The following KLHL1 variants were observed in gnomAD, a reference collection of about 807,000 sequenced individuals.
KLHL1 encodes kelch like family member 1.
Under a neutral mutation model 77.7 loss-of-function variants are expected in KLHL1, and 47 were observed. The ratio of observed to expected loss-of-function variants is 0.60; its 90% CI spans 0.48 to 0.77. The LOEUF (loss-of-function observed/expected upper bound fraction) is 0.77. Among genes scored for constraint, KLHL1 ranks in the 30% least tolerant of loss-of-function variants. The pLI is 0.00. For missense variants in KLHL1, 925 were observed against 910.8 expected (o/e 1.02, Z -0.20); for synonymous variants, 360 against 325.2 (o/e 1.11, Z -1.15).
chr13:69,839,003 C>T lies in KLHL1; in HGVS notation c.1387G>A (p.Ala463Thr). The T allele has an allele frequency of 6.2e-7, 1 of 1,608,804 alleles. No individual in the cohort carries two copies. Among genetic ancestry groups the T allele is most frequent in the East Asian group, 2.2e-5 (1 of 44,604 alleles). The change falls in exon 6 of 11, where the codon GCT becomes ACT. Residue 463 changes from alanine to threonine, a missense_variant. Physicochemically the swap from Ala to Thr is moderately conservative, Grantham distance 58 (BLOSUM62 0). Coordinates refer to ENST00000377844, the MANE Select transcript of KLHL1 (RefSeq NM_020866.3). The part of the protein sequence containing the change: ...PRKSTVGTLY[A>T]VGGMDNNKGA... ...TTGTTGTTATCCATTCCTCCTACAGCATACAAAGTTCCGACTGTAGATTTT... is the reference window on the plus strand; with the variant it reads ...TTGTTGTTATCCATTCCTCCTACAGTATACAAAGTTCCGACTGTAGATTTT...
intron 7 of KLHL1, among the ~76,000 whole-genome samples, chr13:69,757,393 T>C (rs891744183): frequency 1.3e-5 from 2 of 152,148 alleles, no homozygotes; most frequent in Non-Finnish European, 2.9e-5. Flanking sequence ...TTAGGAACCT[T>C]GTAAAATTTT....
At chr13:69,824,291 T>C (rs373921718) in intron 6 of KLHL1, among the ~76,000 whole-genome samples, 2 of 152,160 alleles carry the variant, frequency 1.3e-5, no homozygotes, top group South Asian at 4.1e-4. Context: ...GCAAATAGAT[T>C]TATTAATAAA....
intron 1 of KLHL1, among the ~76,000 whole-genome samples, chr13:70,103,632 A>T (rs1441606648): frequency 6.6e-6 from 1 of 152,156 alleles, no homozygotes; most frequent in Non-Finnish European, 1.5e-5. Context: ...GGACATGCAT[A>T]GGAAAGATTT....
At chr13:69,913,015 CAAGG>C (rs1882290029) in intron 4 of KLHL1, among the ~76,000 whole-genome samples, 1 of 152,146 alleles carries the variant, frequency 6.6e-6, no homozygotes, top group East Asian at 1.9e-4. Flanking sequence ...CATCAACAAG[CAAGG>C]CTTCTGACAT....
intron 2 of KLHL1, among the ~76,000 whole-genome samples, chr13:69,963,339 A>G (rs1884123659): frequency 1.3e-5 from 2 of 152,166 alleles, no homozygotes; most frequent in Non-Finnish European, 2.9e-5. Flanking sequence ...TAATCTTTGT[A>G]CAGTAATTAT....
chr13:70,043,681 A>C (rs1208482743), intron 1 of KLHL1, among the ~76,000 whole-genome samples: 2 of 152,376 alleles, frequency 1.3e-5, no homozygotes, highest in East Asian at 3.9e-4. Flanking sequence ...TCTGTAAAGT[A>C]ACTAGCTATA....
chr13:69,939,378 T>TATATATATATATATATATATATACAC (rs1200160699), intron 4 of KLHL1, among the ~76,000 whole-genome samples: 2 of 70,814 alleles, frequency 2.8e-5, no homozygotes, highest in Non-Finnish European at 5.3e-5. Flanking sequence ...TATATATATA[T>TATATATATATATATATATATATACAC]ACACACACAC....
At chr13:69,734,272 C>A (rs1242159778) in intron 8 of KLHL1, among the ~76,000 whole-genome samples, 2 of 152,112 alleles carry the variant, frequency 1.3e-5, no homozygotes, top group Non-Finnish European at 2.9e-5. Context: ...TGGCCTTCTG[C>A]CACCATTGTA....
At chr13:70,056,827 C>T (rs939680741) in intron 1 of KLHL1, among the ~76,000 whole-genome samples, 6 of 151,310 alleles carry the variant, frequency 4.0e-5, no homozygotes, top group African/African-American at 1.5e-4. Flanking sequence ...AAAGCCAGTC[C>T]AAAGAGGAAA....
chr13:69,780,121 T>TATC (rs1310420765), intron 7 of KLHL1, among the ~76,000 whole-genome samples: 1 of 152,206 alleles, frequency 6.6e-6, no homozygotes, highest in Non-Finnish European at 1.5e-5. Context: ...TTTTCTATTT[T>TATC]ATCAATCAGA....
At chr13:69,969,232 G>T (rs138549906) in intron 2 of KLHL1, among the ~76,000 whole-genome samples, 150 of 151,998 alleles carry the variant, frequency 9.9e-4, no homozygotes, top group Non-Finnish European at 1.7e-3. Context: ...AAGATTCATG[G>T]CTTTAAATAT....
intron 3 of KLHL1, among the ~76,000 whole-genome samples, chr13:69,942,589 AT>A (rs1228406627): frequency 6.6e-6 from 1 of 151,980 alleles, no homozygotes; most frequent in African/African-American, 2.4e-5. Context: ...GTTTTCTGAA[AT>A]TTTTTAAACC....
chr13:69,972,118 T>G (rs1010610173), intron 2 of KLHL1, among the ~76,000 whole-genome samples: 1 of 152,032 alleles, frequency 6.6e-6, no homozygotes, highest in Non-Finnish European at 1.5e-5. Flanking sequence ...AGATAATCTA[T>G]GTAAATAAAT....
rs1883564485 is a variant in KLHL1 at position 69,947,347 on chromosome 13, T to C, written c.818-7111A>G. Among the ~76,000 whole-genome samples, 3 of 152,228 alleles carry C rather than the reference T, an allele frequency of 2.0e-5. No homozygotes were observed. The South Asian group carries it at 6.2e-4, about 32-fold the overall frequency. Reference sequence around the variant, plus strand: ...CATTTATATTGGAAAAGTATATTACTATATTTCTTTATATGTGTGTGTATT... The same window carrying C: ...CATTTATATTGGAAAAGTATATTACCATATTTCTTTATATGTGTGTGTATT... On this transcript the variant is annotated intron_variant, in intron 3 of 10. Coordinates refer to ENST00000377844, the MANE Select transcript of KLHL1 (RefSeq NM_020866.3).
chr13:70,096,413 A>G (rs993987436), intron 1 of KLHL1, among the ~76,000 whole-genome samples: 50 of 152,074 alleles, frequency 3.3e-4, no homozygotes, highest in African/African-American at 1.1e-3. Context: ...ATATCTCATT[A>G]TAGCTTTGAT....
intron 9 of KLHL1, among the ~76,000 whole-genome samples, chr13:69,713,893 T>G (rs573750754): frequency 7.2e-5 from 11 of 152,194 alleles, no homozygotes; most frequent in African/African-American, 2.6e-4. Context: ...TAGTTTTGAG[T>G]TCACTGTTAA....
intron 9 of KLHL1, among the ~76,000 whole-genome samples, chr13:69,712,399 A>G (rs549601968): frequency 6.6e-6 from 1 of 152,086 alleles, no homozygotes; most frequent in Admixed American, 6.6e-5. Flanking sequence ...AATTTTCCAC[A>G]TGAGATATCC....
At chr13:69,949,224 G>A (rs1255313781) in intron 3 of KLHL1, among the ~76,000 whole-genome samples, 2 of 150,186 alleles carry the variant, frequency 1.3e-5, no homozygotes, top group East Asian at 2.0e-4. Flanking sequence ...CTTACCTAAT[G>A]TCCTTTTTCT....
intron 1 of KLHL1, among the ~76,000 whole-genome samples, chr13:70,098,214 T>G (rs867722056): frequency 6.7e-6 from 1 of 149,714 alleles, no homozygotes; most frequent in African/African-American, 2.4e-5. Context: ...CAATAAATAT[T>G]CAGGTGAGGT....
Sources: gnomAD v4.1 joint callset for allele counts (sites outside exome capture counted in the v4.1 genomes callset) on GRCh38, gnomAD v4.1.1 for gene constraint, MANE v1.5 for transcripts, NCBI Gene and HGNC (gene_info 2026-07-23, HGNC 2026-07-21) for gene names.